Variants in KCNAB1 observed in about 807,000 individuals in gnomAD.
KCNAB1 encodes the protein voltage-gated potassium channel subunit beta-1.
In KCNAB1, 35 loss-of-function variants were observed where a neutral mutation model predicts 64.6. The observed-to-expected ratio is 0.54, with a 90% CI of 0.41 to 0.72. The LOEUF is 0.72. Ranked by LOEUF, KCNAB1 falls within the 30% of genes least tolerant of loss-of-function variation. The pLI, the probability that KCNAB1 is intolerant of heterozygous loss-of-function variation, is 0.00. For missense variants in KCNAB1, 401 were observed against 512.9 expected (o/e 0.78, Z 2.11); for synonymous variants, 177 against 183.8 (o/e 0.96, Z 0.30).
intron 1 of KCNAB1, among the ~76,000 whole-genome samples, chr3:156,297,758 GCGTGTGTGTGTGTGTGCGCGTGTGCT>G (rs1181279784): frequency 6.6e-6 from 1 of 152,028 alleles, no homozygotes; most frequent in Non-Finnish European, 1.5e-5. Context: ...GGCACTTAGC[GCGTGTGTGTGTGTGTGCGCGTGTGCT>G]CGTGTGCGTG....
intron 1 of KCNAB1, among the ~76,000 whole-genome samples, chr3:156,220,430 T>C (rs1715637926): frequency 6.6e-6 from 1 of 152,258 alleles, no homozygotes; most frequent in Non-Finnish European, 1.5e-5. Context: ...TGAGATGGCA[T>C]CTCATTGTGG....
intron 1 of KCNAB1, among the ~76,000 whole-genome samples, chr3:156,257,415 A>G (rs532862105): frequency 2.6e-5 from 4 of 152,330 alleles, no homozygotes; most frequent in East Asian, 1.9e-4. Context: ...AGAGAATTTT[A>G]TAATAAAAAG....
intron 8 of KCNAB1, among the ~76,000 whole-genome samples, chr3:156,490,818 A>G (rs1009777062): frequency 2.0e-5 from 3 of 152,146 alleles, no homozygotes; most frequent in Non-Finnish European, 2.9e-5. Context: ...GATCGGAAGA[A>G]CACAAGTCTC....
chr3:156,252,547 A>G (rs1396628807), intron 1 of KCNAB1, among the ~76,000 whole-genome samples: 1 of 152,188 alleles, frequency 6.6e-6, no homozygotes, highest in Non-Finnish European at 1.5e-5. Flanking sequence ...TATGCAATAT[A>G]TTTTATCTTC....
At chr3:156,137,037 T>C (rs1577622963) in intron 1 of KCNAB1, among the ~76,000 whole-genome samples, 1 of 152,084 alleles carries the variant, frequency 6.6e-6, no homozygotes, top group East Asian at 1.9e-4. Flanking sequence ...TTTTTAAACT[T>C]TTATTTTTGG....
chr3:156,522,032 A>G (rs1421328184), intron 11 of KCNAB1, among the ~76,000 whole-genome samples: 2 of 50,340 alleles, frequency 4.0e-5, no homozygotes, highest in Non-Finnish European at 5.7e-5. Flanking sequence ...ACATATACAC[A>G]CACACATAAA....
At chr3:156,400,915 T>A (rs565992461) in intron 1 of KCNAB1, among the ~76,000 whole-genome samples, 1 of 152,214 alleles carries the variant, frequency 6.6e-6, no homozygotes, top group Non-Finnish European at 1.5e-5. Context: ...CATAGAATGA[T>A]GTTTATTTAC....
chr3:156,426,664 CTG>C (rs1238455547), intron 2 of KCNAB1, among the ~76,000 whole-genome samples: 3 of 152,240 alleles, frequency 2.0e-5, no homozygotes, highest in Admixed American at 6.5e-5. Context: ...CTGGAAATCA[CTG>C]TCTTTTTACT....
chr3:156,265,730 C>T (rs1403693370), intron 1 of KCNAB1, among the ~76,000 whole-genome samples: 4 of 152,190 alleles, frequency 2.6e-5, no homozygotes, highest in Admixed American at 6.5e-5. Flanking sequence ...TGCAGTGGCT[C>T]ATGCCTGTAA....
intron 2 of KCNAB1, among the ~76,000 whole-genome samples, chr3:156,438,825 C>G (rs115512366): frequency 6.6e-6 from 1 of 152,022 alleles, no homozygotes; most frequent in Non-Finnish European, 1.5e-5. Flanking sequence ...ACCAGCCTGA[C>G]CAACAAGGTG....
At chr3:156,402,371 C>G (rs1713966212) in intron 1 of KCNAB1, among the ~76,000 whole-genome samples, 1 of 152,152 alleles carries the variant, frequency 6.6e-6, no homozygotes, top group South Asian at 2.1e-4. Context: ...TTCACATAAG[C>G]TGTCTTTGTA....
chr3:156,168,477 C>T (rs889417284), intron 1 of KCNAB1, among the ~76,000 whole-genome samples: 36 of 152,130 alleles, frequency 2.4e-4, no homozygotes, highest in Admixed American at 2.2e-3. Context: ...CTTAGAGTCT[C>T]TAATACATGG....
chr3:156,485,950 A>G (rs1237711002), intron 8 of KCNAB1, among the ~76,000 whole-genome samples: 5 of 152,112 alleles, frequency 3.3e-5, no homozygotes, highest in Non-Finnish European at 4.4e-5. Context: ...ATACTATTCC[A>G]TAGTATTTTC....
chr3:156,196,718 A>G (rs139938714), intron 1 of KCNAB1, among the ~76,000 whole-genome samples: 2,844 of 152,192 alleles, frequency 0.019, 43 homozygotes, highest in Middle Eastern at 0.054. Flanking sequence ...GGCTGAGATG[A>G]TGGGGTTTTC....
intron 1 of KCNAB1, among the ~76,000 whole-genome samples, chr3:156,136,319 G>T (rs913881201): frequency 5.9e-5 from 9 of 152,226 alleles, no homozygotes; most frequent in African/African-American, 2.2e-4. Flanking sequence ...ATGAGCTATA[G>T]TTTCCGGGGG....
At chr3:156,224,057 G>T (rs898033639) in intron 1 of KCNAB1, among the ~76,000 whole-genome samples, 4 of 152,226 alleles carry the variant, frequency 2.6e-5, no homozygotes, top group African/African-American at 9.6e-5. Flanking sequence ...CATGTCCTGA[G>T]CCCTGCCCCG....
At chr3:156,175,463 A>T (rs2108333786) in intron 1 of KCNAB1, among the ~76,000 whole-genome samples, 1 of 152,270 alleles carries the variant, frequency 6.6e-6, no homozygotes, top group Non-Finnish European at 1.5e-5. Context: ...TACTGAAAAT[A>T]CAAAAAATTA....
chr3:156,150,568 G>A (rs1715343575), intron 1 of KCNAB1, among the ~76,000 whole-genome samples: 1 of 152,164 alleles, frequency 6.6e-6, no homozygotes, highest in African/African-American at 2.4e-5. Context: ...TTTGAAATCT[G>A]ATTTTCATGA....
At chr3:156,243,419 G>A (rs1717283600) in intron 1 of KCNAB1, among the ~76,000 whole-genome samples, 1 of 151,628 alleles carries the variant, frequency 6.6e-6, no homozygotes, top group South Asian at 2.1e-4. Flanking sequence ...GTAGAGACAG[G>A]GTTTCTCCAT....
Sources: allele counts gnomAD v4.1 joint callset (sites outside exome capture counted in the v4.1 genomes callset), GRCh38; gene constraint gnomAD v4.1.1; transcripts MANE v1.5; gene names NCBI Gene and HGNC (gene_info 2026-07-23, HGNC 2026-07-21).